PXT1: variants seen among roughly 807,000 people sequenced by gnomAD.
PXT1 encodes peroxisomal testis enriched protein 1.
In PXT1, 11 loss-of-function variants were observed where a neutral mutation model predicts 11.0. That is an observed-to-expected ratio of 1.00 (90% confidence interval 0.63 to 1.66). PXT1 has a LOEUF of 1.66. Ranked by LOEUF, PXT1 falls within the 40% of genes most tolerant of loss-of-function variation. PXT1 has a pLI of 0.00. For synonymous variants in PXT1, 43 were observed against 51.4 expected, an observed-to-expected ratio of 0.84 and a Z score of 0.70; for missense variants, 141 against 155.5, an observed-to-expected ratio of 0.91 and a Z score of 0.49.
chr6:36,415,755 A>C (rs1190277936), intron 3 of PXT1, among the ~76,000 whole-genome samples: 5 of 152,196 alleles, frequency 3.3e-5, no homozygotes, highest in Non-Finnish European at 5.9e-5. Flanking sequence ...GCAACAGAAA[A>C]TGGGAGATAC....
intron 4 of PXT1, among the ~76,000 whole-genome samples, chr6:36,399,293 G>A (rs897097568): frequency 1.3e-5 from 2 of 152,030 alleles, no homozygotes; most frequent in African/African-American, 4.8e-5. Flanking sequence ...CTACAGGTGT[G>A]TGCCACCATG....
intron 3 of PXT1, among the ~76,000 whole-genome samples, chr6:36,421,565 C>T (rs1774525782): frequency 6.6e-6 from 1 of 152,156 alleles, no homozygotes; most frequent in African/African-American, 2.4e-5. Flanking sequence ...TTTTCCAAGA[C>T]AAATATTAGG....
At chr6:36,421,442 CTGAG>C (rs374247530) in intron 3 of PXT1, among the ~76,000 whole-genome samples, 3 of 152,290 alleles carry the variant, frequency 2.0e-5, no homozygotes, top group African/African-American at 7.2e-5. Context: ...GCCTGAGCAA[CTGAG>C]TAAGACCCTG....
chr6:36,433,812 G>A, intron 2 of PXT1, among the ~76,000 whole-genome samples: 1 of 120,720 alleles, frequency 8.3e-6, no homozygotes. Flanking sequence ...GACAGAACAA[G>A]ACTCTGTCTC....
chr6:36,435,395 C>CA (rs563224587), intron 2 of PXT1, among the ~76,000 whole-genome samples: 13 of 151,676 alleles, frequency 8.6e-5, no homozygotes, highest in African/African-American at 3.2e-4. Flanking sequence ...CCCATCTCTA[C>CA]AAAAATTTTT....
chr6:36,409,824 TGGAAGGAAGGAAGGAAGGAA>T (rs201849950), intron 3 of PXT1, among the ~76,000 whole-genome samples: 1 of 97,578 alleles, frequency 1.0e-5, no homozygotes, highest in African/African-American at 4.4e-5. Flanking sequence ...AGACCCTGTC[TGGAAGGAAGGAAGGAAGGAA>T]GGAAGGAAGG....
intron 3 of PXT1, among the ~76,000 whole-genome samples, chr6:36,407,127 T>TGC (rs1774303287): frequency 6.6e-6 from 1 of 152,226 alleles, no homozygotes; most frequent in South Asian, 2.1e-4. Context: ...GGTTGTGTTT[T>TGC]TAGTTCTGGT....
chr6:36,412,642 G>A (rs1324601048), intron 3 of PXT1, among the ~76,000 whole-genome samples: 1 of 134,664 alleles, frequency 7.4e-6, no homozygotes, highest in Non-Finnish European at 1.6e-5. Context: ...CCTGGCAAGA[G>A]AGCAAGACTC....
chr6:36,398,845 C>T lies in PXT1; in HGVS notation c.300+1609G>A, dbSNP rs536835194. Among the ~76,000 whole-genome samples the T allele has an allele frequency of 1.1e-4, 16 of 152,312 alleles. No individual in the cohort carries two copies. In the South Asian group the frequency reaches 2.5e-3, roughly 24 times the overall value. On this transcript the variant is annotated intron_variant, in intron 4 of 4. Transcript: ENST00000454782. ...CCCTGACAGCCCATTGGAAGTCACT[C>T]TCCATCAGTCAGTGTGCCCTGATCC...
chr6:36,439,086 C>A (rs1425480988), intron 1 of PXT1, among the ~76,000 whole-genome samples, 200 bp from the exon 2 acceptor site: 1 of 151,868 alleles, frequency 6.6e-6, no homozygotes, highest in South Asian at 2.1e-4. Flanking sequence ...GCAACCTCCG[C>A]CTCCTGGGTT....
chr6:36,436,025 T>G (rs906757856), intron 2 of PXT1, among the ~76,000 whole-genome samples: 1 of 148,546 alleles, frequency 6.7e-6, no homozygotes, highest in Admixed American at 6.8e-5. Flanking sequence ...ATAAACTTTT[T>G]CAAAAAATAA....
At chr6:36,428,007 C>A (rs1774633325) in intron 2 of PXT1, among the ~76,000 whole-genome samples, 1 of 152,078 alleles carries the variant, frequency 6.6e-6, no homozygotes. Flanking sequence ...TTGTGGGTTT[C>A]TGGGCATTTT....
In PXT1 at chr6:36,391,905, GTTTTTTTTT is replaced by G. The variant is rs199535119; in HGVS notation, c.301-40_301-32del. 8.5e-6 allele frequency: 9 copies of G among 1,061,582 alleles called. No individual in the cohort carries two copies. In the East Asian group the frequency reaches 2.4e-4, roughly 29 times the overall value. The allele number at this position is 1,061,582 out of a possible 1,614,324, so 65.8% of individuals were successfully genotyped here. A position where few individuals can be genotyped will look rare whatever the true frequency, so the allele number is the denominator to read the frequency against. Reference sequence around the variant, plus strand: ...TGAAAAAAGGGAGACACAGAGAAAGGTTTTTTTTTTTTTTTAAAAGTGATAGAATAATCC... The same window carrying G: ...TGAAAAAAGGGAGACACAGAGAAAGGTTTTTTAAAAGTGATAGAATAATCC... On this transcript the variant is annotated intron_variant, in intron 4 of 4. Coordinates refer to ENST00000454782, the MANE Select transcript of PXT1 (RefSeq NM_152990.4).
intron 2 of PXT1, among the ~76,000 whole-genome samples, chr6:36,431,938 G>A (rs1368157893): frequency 6.6e-6 from 1 of 152,072 alleles, no homozygotes; most frequent in Non-Finnish European, 1.5e-5. Context: ...GGGCATGGTG[G>A]TGGGCATCTG....
At chr6:36,400,764 T>C (rs998411699) in intron 3 of PXT1, among the ~76,000 whole-genome samples, 180 bp from the exon 4 acceptor site, 1 of 151,676 alleles carries the variant, frequency 6.6e-6, no homozygotes, top group Admixed American at 6.6e-5. Context: ...AGGTCAAGAG[T>C]TCAAAACCAG....
At chr6:36,410,112 C>T (rs1291816894) in intron 3 of PXT1, among the ~76,000 whole-genome samples, 2 of 136,520 alleles carry the variant, frequency 1.5e-5, no homozygotes, top group East Asian at 2.2e-4. Flanking sequence ...CACCTGAGGT[C>T]GGGAGTTCGA....
intron 3 of PXT1, among the ~76,000 whole-genome samples, chr6:36,408,418 A>G (rs983419322): frequency 5.9e-5 from 9 of 151,268 alleles, no homozygotes; most frequent in African/African-American, 1.9e-4. Flanking sequence ...ATGTACCACC[A>G]TGCCCAGCTA....
At chr6:36,412,904 A>C (rs1397923227) in intron 3 of PXT1, among the ~76,000 whole-genome samples, 1 of 152,020 alleles carries the variant, frequency 6.6e-6, no homozygotes, top group Admixed American at 6.6e-5. Context: ...CCTGAAAAAA[A>C]GTTAAGTCAA....
Position 36,421,425 on chromosome 6 carries a change from C to A in PXT1, c.169+4489G>T, listed in dbSNP as rs546573387. Among the ~76,000 whole-genome samples, 390 of 152,280 alleles carry A rather than the reference C, an allele frequency of 2.6e-3. 3 individuals are homozygous for A. The highest frequency in any genetic ancestry group is 3.8e-4 in the Non-Finnish European group (26 of 68,024). On this transcript the variant is annotated intron_variant, in intron 3 of 4. Transcript: ENST00000454782. ...GCCATGAGCTATGATCGCGCCACTG[C>A]ACTTCAGCCTGAGCAACTGAGTAAG...
Sources: gnomAD v4.1 joint callset for allele counts (sites outside exome capture counted in the v4.1 genomes callset) on GRCh38, gnomAD v4.1.1 for gene constraint, MANE v1.5 for transcripts, NCBI Gene and HGNC (gene_info 2026-07-23, HGNC 2026-07-21) for gene names.